AP2A2: variants seen among roughly 807,000 people sequenced by gnomAD.
AP2A2 encodes the protein adaptor related protein complex 2 subunit alpha 2.
In AP2A2, 32 loss-of-function variants were observed where a neutral mutation model predicts 104.2. The observed-to-expected ratio is 0.31, with a 90% confidence interval of 0.23 to 0.41. The LOEUF (loss-of-function observed/expected upper bound fraction) is 0.41, where lower values mean the gene tolerates loss of function less well. Ranked by LOEUF, AP2A2 falls within the 10% of genes least tolerant of loss-of-function variation. The pLI is 1.00. For synonymous variants in AP2A2, 539 were observed against 533.3 expected (o/e 1.01, Z -0.15); for missense variants, 912 against 1,261.0 (o/e 0.72, Z 4.19).
intron 1 of AP2A2, among the ~76,000 whole-genome samples, chr11:939,084 A>G (rs1311492296): frequency 6.6e-6 from 1 of 151,738 alleles, no homozygotes; most frequent in Admixed American, 6.6e-5. Context: ...CCCTGTCTCT[A>G]CTAAAAATAT....
intron 4 of AP2A2, 48 bp from the exon 5 acceptor site, chr11:977,047 G>GC: frequency 6.2e-7 from 1 of 1,610,034 alleles, no homozygotes. Flanking sequence ...GTGCAGCTCT[G>GC]CGCTGTCTTC....
rs1217716286 is a variant in AP2A2, at chr11:1,011,897, C to T, written c.*1272C>T. On this transcript the variant is annotated 3_prime_UTR_variant, in exon 22 of 22. Coordinates refer to ENST00000448903, the MANE Select transcript of AP2A2 (RefSeq NM_012305.4). The stretch of plus-strand genomic sequence containing the variant: ...CCCACAATGTCTGCGGCTCTTCTTC[C>T]GGCGTGTCGGGCTTTGATCACAGCA... 9 of 190,074 alleles carry T rather than the reference C, an allele frequency of 4.7e-5. No individual in the cohort carries two copies. Among genetic ancestry groups the T allele is most frequent in the African/African-American group, 7.2e-5 (3 of 41,916 alleles). 11.8% of individuals were successfully genotyped at this position (190,074 alleles called of 1,614,324 possible). A position where few individuals can be genotyped will look rare whatever the true frequency, so the allele number is the denominator to read the frequency against.
chr11:1,004,505 G>A (rs963014411), intron 16 of AP2A2, among the ~76,000 whole-genome samples: 3 of 151,660 alleles, frequency 2.0e-5, no homozygotes, highest in Non-Finnish European at 2.9e-5. Flanking sequence ...TGGTGGCCTG[G>A]TGACTTAGGC....
At chr11:970,366 G>A in intron 3 of AP2A2, 55 bp downstream of exon 3, 1 of 1,590,468 alleles carries the variant, frequency 6.3e-7, no homozygotes, top group Non-Finnish European at 8.6e-7. Context: ...TGGCAGGACT[G>A]AGGCCCGGTG....
intron 14 of AP2A2, among the ~76,000 whole-genome samples, chr11:997,870 A>G (rs930926355): frequency 1.1e-4 from 16 of 152,340 alleles, no homozygotes; most frequent in East Asian, 7.7e-4. Flanking sequence ...GCACCACTGC[A>G]CTCCAGCCTG....
chr11:976,015 C>G (rs779740164), intron 4 of AP2A2, among the ~76,000 whole-genome samples: 4 of 152,190 alleles, frequency 2.6e-5, no homozygotes, highest in Admixed American at 6.5e-5. Flanking sequence ...AAGCATGGAA[C>G]CTGGTTGGCT....
chr11:1,006,472 T>C, intron 16 of AP2A2, 56 bp from the exon 17 acceptor site: 1 of 1,232,152 alleles, frequency 8.1e-7, no homozygotes, highest in Non-Finnish European at 1.2e-6. Context: ...TCAGGGTAAA[T>C]ATTCAGGGTA....
chr11:959,597 C>A, intron 2 of AP2A2, 92 bp downstream of exon 2: 1 of 835,178 alleles, frequency 1.2e-6, no homozygotes, highest in Non-Finnish European at 1.9e-6. Context: ...TTTTCTCCCA[C>A]ACTAAAGTGA....
intron 1 of AP2A2, among the ~76,000 whole-genome samples, chr11:947,456 C>T (rs934387636): frequency 8.5e-5 from 13 of 152,114 alleles, no homozygotes; most frequent in African/African-American, 3.1e-4. Flanking sequence ...TTCTCCGTAC[C>T]ATTAGAATTA....
intron 3 of AP2A2, among the ~76,000 whole-genome samples, chr11:971,441 A>T (rs1854825033): frequency 6.6e-6 from 1 of 152,074 alleles, no homozygotes; most frequent in Admixed American, 6.6e-5. Flanking sequence ...GAGCCGTGGG[A>T]GGCTGGGTAC....
At chr11:997,434 C>T (rs6597950) in intron 14 of AP2A2, among the ~76,000 whole-genome samples, 13,176 of 152,178 alleles carry the variant, frequency 0.087, 795 homozygotes, top group East Asian at 0.26. Flanking sequence ...AGGCCTGCTC[C>T]CTGAGGAGGG....
At chr11:948,384 C>T (rs76479597) in intron 1 of AP2A2, 3 of 152,104 alleles carry the variant, frequency 2.0e-5, no homozygotes, top group African/African-American at 4.8e-5. Context: ...AAGTCGTGAC[C>T]GAAGCTAACT....
In AP2A2 at chr11:925,986, G is replaced by A; in HGVS notation, c.-36G>A. The A allele has an allele frequency of 3.6e-6, 5 of 1,384,562 alleles. No homozygotes were observed. Among genetic ancestry groups the A allele is most frequent in the Non-Finnish European group, 4.7e-6 (5 of 1,053,750 alleles). 85.8% of individuals were successfully genotyped at this position (1,384,562 alleles called of 1,614,324 possible). ...CCCGCTCCCCGCGCTCCTCCGCCCGGGTCCGCCAGCCGAGGCCGCTCCCGA... is the reference window on the plus strand; with the variant it reads ...CCCGCTCCCCGCGCTCCTCCGCCCGAGTCCGCCAGCCGAGGCCGCTCCCGA... On this transcript the variant is annotated 5_prime_UTR_variant, in exon 1 of 22. Coordinates refer to ENST00000448903, the MANE Select transcript of AP2A2 (RefSeq NM_012305.4).
chr11:947,898 A>G (rs895258751), intron 1 of AP2A2, among the ~76,000 whole-genome samples: 9 of 152,182 alleles, frequency 5.9e-5, no homozygotes, highest in Admixed American at 5.2e-4. Flanking sequence ...TTGAGGTGCA[A>G]TGAACTATGA....
At position 962,045 on chromosome 11, in the gene AP2A2, T is replaced by G. The variant is rs866007613; in HGVS notation, c.136+2540T>G. On this transcript the variant is annotated intron_variant, in intron 2 of 21. Coordinates refer to ENST00000448903, the MANE Select transcript of AP2A2 (RefSeq NM_012305.4). ...TGTGGGTCTGACAGTCGCCGCCACC[T>G]GCCCATCAGGGAGCTCGGGAGCCCA... Among the ~76,000 whole-genome samples, 23 of 152,150 alleles carry G rather than the reference T, an allele frequency of 1.5e-4. 1 individual carries two copies. The highest frequency in any genetic ancestry group is 2.6e-4 in the Admixed American group (4 of 15,264).
intron 3 of AP2A2, among the ~76,000 whole-genome samples, chr11:971,777 C>CG (rs1399529478): frequency 6.6e-6 from 1 of 152,138 alleles, no homozygotes; most frequent in Non-Finnish European, 1.5e-5. Flanking sequence ...TGAGTGGGAC[C>CG]GGGGGGTCCA....
At chr11:957,994 C>G (rs1335886401) in intron 1 of AP2A2, among the ~76,000 whole-genome samples, 2 of 152,222 alleles carry the variant, frequency 1.3e-5, no homozygotes, top group Non-Finnish European at 2.9e-5. Flanking sequence ...CTTTAAGGTT[C>G]CCTCTAGCTG....
chr11:937,809 G>T (rs1448189767), intron 1 of AP2A2, among the ~76,000 whole-genome samples: 1 of 152,208 alleles, frequency 6.6e-6, no homozygotes, highest in Admixed American at 6.5e-5. Flanking sequence ...AAATCGTTCA[G>T]CTTCACCATC....
Position 926,059 on chromosome 11 carries a change from T to C in AP2A2, c.38T>C (p.Leu13Pro). The C allele has an allele frequency of 2.2e-6, 3 of 1,375,024 alleles. No individual in the cohort carries two copies. In the South Asian group the frequency reaches 5.3e-5, roughly 24 times the overall value. The allele number at this position is 1,375,024 out of a possible 1,614,324, so 85.2% of individuals were successfully genotyped here. A position where few individuals can be genotyped will look rare whatever the true frequency, so the allele number is the denominator to read the frequency against. ...TCCAAGGGGGACGGGATGCGGGGCC[T>C]GGCGGTCTTCATCTCGGATATCCGC... Reference protein sequence around the residue: ...AVSKGDGMRGLAVFISDIRNC... With the variant: ...AVSKGDGMRGPAVFISDIRNC... Residue 13 changes from leucine to proline, a missense_variant, in exon 1 of 22, where the codon CTG becomes CCG. Leu to Pro is a moderately conservative substitution (Grantham distance 98). Around this residue, in one of 7 missense-constraint regions of AP2A2, gnomAD observed 43 missense variants for 47.0 expected, o/e 0.91. Coordinates refer to ENST00000448903, the MANE Select transcript of AP2A2 (RefSeq NM_012305.4).
Sources: allele counts gnomAD v4.1 joint callset (sites outside exome capture counted in the v4.1 genomes callset), GRCh38; gene constraint gnomAD v4.1.1; regional missense constraint gnomAD v4.1.1; transcripts MANE v1.5; gene names NCBI Gene and HGNC (gene_info 2026-07-23, HGNC 2026-07-21).